SEMA6D: variants seen among roughly 807,000 people sequenced by gnomAD.
SEMA6D encodes semaphorin-6D.
In SEMA6D, 35 loss-of-function variants were observed where a neutral mutation model predicts 106.6. The observed-to-expected ratio is 0.33, with a 90% CI of 0.25 to 0.44. The LOEUF is 0.44. Ranked by LOEUF, SEMA6D falls within the 20% of genes least tolerant of loss-of-function variation. The pLI is 1.00. For synonymous variants in SEMA6D, 499 were observed against 487.7 expected (o/e 1.02, Z -0.31); for missense variants, 1,185 against 1,345.9 (o/e 0.88, Z 1.87).
At chr15:47,375,675 A>T (rs1460699373) in intron 1 of SEMA6D, among the ~76,000 whole-genome samples, 1 of 152,206 alleles carries the variant, frequency 6.6e-6, no homozygotes, top group African/African-American at 2.4e-5. Flanking sequence ...TCTAATTCTT[A>T]TAAGACAAAG....
At chr15:47,739,414 T>A (rs1246143507) in intron 1 of SEMA6D, among the ~76,000 whole-genome samples, 1 of 152,196 alleles carries the variant, frequency 6.6e-6, no homozygotes, top group East Asian at 1.9e-4. Context: ...TTTTGCACTG[T>A]GGGGAATCTG....
At chr15:47,350,638 C>T (rs2038286759) in intron 1 of SEMA6D, among the ~76,000 whole-genome samples, 2 of 152,094 alleles carry the variant, frequency 1.3e-5, no homozygotes, top group Non-Finnish European at 2.9e-5. Flanking sequence ...AAAGCTTGTT[C>T]TCATCTTTAT....
intron 3 of SEMA6D, among the ~76,000 whole-genome samples, chr15:47,526,177 C>G (rs1159612521): frequency 6.6e-6 from 1 of 152,178 alleles, no homozygotes; most frequent in African/African-American, 2.4e-5. Context: ...AGCTGGTACC[C>G]CATTCCTGCA....
At chr15:47,520,858 G>T (rs975851057) in intron 3 of SEMA6D, among the ~76,000 whole-genome samples, 1 of 152,214 alleles carries the variant, frequency 6.6e-6, no homozygotes, top group African/African-American at 2.4e-5. Context: ...AAAAGTGGAT[G>T]TGCCTGTTTG....
intron 1 of SEMA6D, among the ~76,000 whole-genome samples, chr15:47,333,154 A>C (rs1212193844): frequency 2.6e-5 from 4 of 152,114 alleles, no homozygotes; most frequent in Non-Finnish European, 4.4e-5. Flanking sequence ...ATTATTCTTT[A>C]TGACTCTTAA....
At chr15:47,275,309 A>G (rs1454342511) in intron 1 of SEMA6D, 2 of 152,168 alleles carry the variant, frequency 1.3e-5, no homozygotes, top group Non-Finnish European at 2.9e-5. Context: ...AATTAACATT[A>G]CTAGCAGTCA....
chr15:47,500,784 C>G (rs1047431894), intron 3 of SEMA6D, among the ~76,000 whole-genome samples: 16 of 152,114 alleles, frequency 1.1e-4, no homozygotes, highest in African/African-American at 3.6e-4. Flanking sequence ...TGCCTGATCT[C>G]TTTGTTTAAC....
At chr15:47,653,470 A>C (rs1451355884) in intron 4 of SEMA6D, among the ~76,000 whole-genome samples, 2 of 152,232 alleles carry the variant, frequency 1.3e-5, no homozygotes, top group African/African-American at 4.8e-5. Context: ...AGACCTTTAG[A>C]GAACAGAGCT....
chr15:47,372,181 C>T (rs2039296918), intron 1 of SEMA6D, among the ~76,000 whole-genome samples: 1 of 152,190 alleles, frequency 6.6e-6, no homozygotes, highest in Non-Finnish European at 1.5e-5. Flanking sequence ...CTTCAGATGG[C>T]ACCCAGCCTC....
At chr15:47,490,228 C>A (rs1319344174) in intron 3 of SEMA6D, among the ~76,000 whole-genome samples, 1 of 152,162 alleles carries the variant, frequency 6.6e-6, no homozygotes, top group Non-Finnish European at 1.5e-5. Flanking sequence ...TGGAGTAACC[C>A]ATACACATAG....
intron 3 of SEMA6D, among the ~76,000 whole-genome samples, chr15:47,565,589 C>G (rs1034704142): frequency 3.9e-5 from 6 of 152,164 alleles, no homozygotes; most frequent in Non-Finnish European, 8.8e-5. Flanking sequence ...AAAATCTGTA[C>G]AATTCTGAAT....
In SEMA6D at chr15:47,254,266, T is replaced by C. The variant is rs532607682; in HGVS notation, c.-239+69848T>C. 6.5e-4 allele frequency among the ~76,000 whole-genome samples: 97 copies of C among 148,790 alleles called. 1 individual carries two copies. The highest frequency in any genetic ancestry group is 1.4e-3 in the Admixed American group (21 of 14,828). ...AAGTCTTTGAGATTATATATATATA[T>C]ACACACACATATATGAGTGTGTATA... On this transcript the variant is annotated intron_variant, in intron 1 of 19. Coordinates refer to the SEMA6D transcript ENST00000558014.
intron 2 of SEMA6D, among the ~76,000 whole-genome samples, chr15:47,416,416 A>G (rs1017099533): frequency 6.6e-6 from 1 of 152,180 alleles, no homozygotes. Context: ...AAAGAGAATT[A>G]AGATGAGAAT....
chr15:47,185,613 A>G (rs757481289), intron 1 of SEMA6D: 10 of 152,226 alleles, frequency 6.6e-5, no homozygotes, highest in Admixed American at 1.3e-4. Flanking sequence ...TTTCCACTCT[A>G]CAAATGGCCA....
Position 47,773,179 on chromosome 15 carries a change from C to T in SEMA6D, c.*1394C>T, listed in dbSNP as rs1375450129. The T allele has an allele frequency of 6.6e-6, 1 of 152,532 alleles. No individual in the cohort carries two copies. Among genetic ancestry groups the T allele is most frequent in the Non-Finnish European group, 1.5e-5 (1 of 68,034 alleles). 9.4% of individuals were successfully genotyped at this position (152,532 alleles called of 1,614,324 possible). A position where few individuals can be genotyped will look rare whatever the true frequency, so the allele number is the denominator to read the frequency against. On this transcript the variant is annotated 3_prime_UTR_variant, in exon 19 of 19. Coordinates refer to ENST00000536845, the MANE Select transcript of SEMA6D (RefSeq NM_001358351.3). ...AGTTGTAAATGTTTTTCAACCAGCA[C>T]CTAAAAAGACTCTTTTCAAAAAATC...
intron 1 of SEMA6D, chr15:47,184,558 G>A (rs1893407562): frequency 6.6e-6 from 1 of 152,172 alleles, no homozygotes; most frequent in Non-Finnish European, 1.5e-5. Flanking sequence ...CAGCCTCCCG[G>A]CGCGCCGCGG....
At position 47,767,078 on chromosome 15, in the gene SEMA6D, G is replaced by C. The variant is rs1210934988; in HGVS notation, c.1750G>C (p.Gly584Arg). Residue 584 changes from glycine (G) to arginine (R), a missense_variant, in exon 17 of 19, where the codon GGC becomes CGC. This residue lies in a region of SEMA6D where 750 missense variants were observed against 783.5 expected (regional missense o/e 0.96). Transcript: ENST00000536845. ...TSTTPDYKIFGGPTSDMEVSS... is the reference protein window; with the variant it reads ...TSTTPDYKIFRGPTSDMEVSS... Reference sequence around the variant, plus strand: ...AACTACACCAGATTACAAAATATTTGGCGGTCCAACATCTGGTTAGTTTTT... The same window carrying C: ...AACTACACCAGATTACAAAATATTTCGCGGTCCAACATCTGGTTAGTTTTT... 2 of 1,569,654 alleles carry C rather than the reference G, an allele frequency of 1.3e-6. No individual in the cohort carries two copies. Among genetic ancestry groups the C allele is most frequent in the Non-Finnish European group, 1.7e-6 (2 of 1,156,642 alleles).
intron 1 of SEMA6D, among the ~76,000 whole-genome samples, chr15:47,254,872 G>GTTTT (rs1239809002): frequency 0.022 from 969 of 44,066 alleles, 10 homozygotes; most frequent in African/African-American, 0.072. Context: ...TTGACCTGTG[G>GTTTT]TTTTGTGTGT....
intron 4 of SEMA6D, among the ~76,000 whole-genome samples, chr15:47,611,397 G>A (rs2076902934): frequency 6.6e-6 from 1 of 152,038 alleles, no homozygotes; most frequent in Admixed American, 6.6e-5. Context: ...TTAAAAATGG[G>A]AAAATAGTCA....
Sources: gnomAD v4.1 joint callset for allele counts (sites outside exome capture counted in the v4.1 genomes callset) on GRCh38, gnomAD v4.1.1 for gene constraint, gnomAD v4.1.1 regional missense constraint, MANE v1.5 for transcripts, NCBI Gene and HGNC (gene_info 2026-07-23, HGNC 2026-07-21) for gene names.